The following SLC25A21 variants were observed in gnomAD, a reference collection of about 807,000 sequenced individuals.
SLC25A21 encodes solute carrier family 25 member 21, also known as mitochondrial 2-oxodicarboxylate carrier.
In SLC25A21, 47 loss-of-function variants were observed where a neutral mutation model predicts 43.8. The observed-to-expected ratio is 1.07, with a 90% CI of 0.85 to 1.37. SLC25A21 has a LOEUF of 1.37. Among genes scored for constraint, SLC25A21 ranks in the 40% most tolerant of loss-of-function variants. The pLI is 0.00. For synonymous variants in SLC25A21, 131 were observed against 121.3 expected (o/e 1.08, Z -0.52); for missense variants, 352 against 350.2 (o/e 1.00, Z -0.04).
At chr14:37,109,754 A>C (rs191412848) in intron 1 of SLC25A21, among the ~76,000 whole-genome samples, 1 of 152,284 alleles carries the variant, frequency 6.6e-6, no homozygotes, top group African/African-American at 2.4e-5. Context: ...AGAAATAATG[A>C]GAAGATTATA....
chr14:36,720,951 T>C (rs1203008183), intron 6 of SLC25A21, among the ~76,000 whole-genome samples: 1 of 152,222 alleles, frequency 6.6e-6, no homozygotes, highest in Non-Finnish European at 1.5e-5. Context: ...GATAATGACC[T>C]AAGGCACACT....
chr14:36,895,751 A>ATTGGT (rs1366474986), intron 1 of SLC25A21, among the ~76,000 whole-genome samples: 1 of 152,042 alleles, frequency 6.6e-6, no homozygotes, highest in Admixed American at 6.6e-5. Context: ...CTTTGTTCTC[A>ATTGGT]TTGGTTTCAA....
At chr14:37,082,435 A>G (rs1359933559) in intron 1 of SLC25A21, among the ~76,000 whole-genome samples, 3 of 152,208 alleles carry the variant, frequency 2.0e-5, no homozygotes, top group Non-Finnish European at 4.4e-5. Context: ...AACATTAAGC[A>G]TTAGGCACTA....
intron 1 of SLC25A21, among the ~76,000 whole-genome samples, chr14:36,986,180 A>T (rs1001909194): frequency 6.6e-6 from 1 of 152,118 alleles, no homozygotes; most frequent in East Asian, 1.9e-4. Context: ...ATATATACAC[A>T]CATATCTATA....
At chr14:36,839,247 C>A (rs1171219100) in intron 2 of SLC25A21, among the ~76,000 whole-genome samples, 3 of 152,174 alleles carry the variant, frequency 2.0e-5, no homozygotes, top group Non-Finnish European at 4.4e-5. Flanking sequence ...CTTAACTCAT[C>A]TCTGAAACCA....
chr14:36,813,965 A>C lies in SLC25A21; in HGVS notation c.156T>G (p.Ser52Arg), dbSNP rs756470492. 3.1e-6 allele frequency: 5 copies of C among 1,610,592 alleles called. No homozygotes were observed. Among genetic ancestry groups the C allele is most frequent in the Middle Eastern group, 1.6e-4 (1 of 6,066 alleles). The change falls in exon 3 of 10, where the codon AGT (serine) becomes AGG (arginine). Residue 52 changes from serine to arginine, a missense_variant. Transcript: ENST00000331299. ...GAAAGCTGTCTACCAAGCTTTTATA[A>C]CTGTTTGGATCGGTTGCACATCTCT... is the stretch of plus-strand genomic sequence containing the variant. ...QIQRCATDPN[S>R]YKSLVDSFRM...
intron 1 of SLC25A21, among the ~76,000 whole-genome samples, chr14:37,040,719 T>C (rs959178203): frequency 2.0e-5 from 3 of 152,020 alleles, no homozygotes; most frequent in Non-Finnish European, 4.4e-5. Context: ...GATAGAGCCT[T>C]AGACTCAGAT....
intron 2 of SLC25A21, among the ~76,000 whole-genome samples, chr14:36,823,145 A>G (rs183019036): frequency 6.4e-4 from 97 of 152,296 alleles, no homozygotes; most frequent in African/African-American, 2.3e-3. Context: ...TACACTGACA[A>G]TATAATTCTA....
At chr14:37,101,707 A>C (rs183771980) in intron 1 of SLC25A21, among the ~76,000 whole-genome samples, 1 of 152,346 alleles carries the variant, frequency 6.6e-6, no homozygotes, top group East Asian at 1.9e-4. Flanking sequence ...ATAAAGCAGA[A>C]TATAGAACCA....
chr14:36,936,303 A>G (rs1383825718), intron 1 of SLC25A21, among the ~76,000 whole-genome samples: 2 of 152,138 alleles, frequency 1.3e-5, no homozygotes, highest in African/African-American at 2.4e-5. Context: ...TTTGTGAAGG[A>G]ACCAAACAGA....
rs1467018322 is a variant in SLC25A21 at position 37,022,669 on chromosome 14, C to G, written c.71-147665G>C. 2.0e-5 allele frequency among the ~76,000 whole-genome samples: 3 copies of G among 151,884 alleles called. No individual in the cohort carries two copies. In the East Asian group the frequency reaches 5.8e-4, roughly 29 times the overall value. ...CTCTTCGGCCTATGTGCAGATTAAT[C>G]CTCCTAAAATATTACCCTAACCATT... On this transcript the variant is annotated intron_variant, in intron 1 of 9. Coordinates refer to ENST00000331299, the MANE Select transcript of SLC25A21 (RefSeq NM_030631.4).
chr14:37,167,888 C>G, intron 1 of SLC25A21, among the ~76,000 whole-genome samples: 1 of 151,920 alleles, frequency 6.6e-6, no homozygotes, highest in South Asian at 2.1e-4. Context: ...GACTCTCTAG[C>G]TGCACCGCTC....
intron 1 of SLC25A21, among the ~76,000 whole-genome samples, chr14:37,083,258 A>C (rs1234383547): frequency 6.6e-6 from 1 of 152,224 alleles, no homozygotes; most frequent in African/African-American, 2.4e-5. Flanking sequence ...TCAGTCAACA[A>C]GCATTAAGAG....
At position 37,156,382 on chromosome 14, in the gene SLC25A21, A is replaced by C. The variant is rs76974849; in HGVS notation, c.70+15899T>G. 0.016 allele frequency among the ~76,000 whole-genome samples: 2,469 copies of C among 152,176 alleles called. 183 individuals are homozygous for C. In the East Asian group the frequency reaches 0.26, roughly 16 times the overall value. The stretch of plus-strand genomic sequence containing the variant: ...ACAAAGAGTATACAAAGCAAACAGA[A>C]AACAATTAATATGACAGGAACAAAG... On this transcript the variant is annotated intron_variant, in intron 1 of 9. Transcript: ENST00000331299.
chr14:36,932,841 G>T (rs1246661216), intron 1 of SLC25A21, among the ~76,000 whole-genome samples: 1 of 151,482 alleles, frequency 6.6e-6, no homozygotes, highest in African/African-American at 2.4e-5. Flanking sequence ...CCATTGGCAA[G>T]CTCCTTGACT....
At chr14:37,000,390 C>A (rs1960461303) in intron 1 of SLC25A21, among the ~76,000 whole-genome samples, 1 of 152,142 alleles carries the variant, frequency 6.6e-6, no homozygotes, top group Non-Finnish European at 1.5e-5. Flanking sequence ...CAGGTACCAT[C>A]ACCCACCATG....
intron 1 of SLC25A21, among the ~76,000 whole-genome samples, chr14:37,105,406 A>G (rs1435973345): frequency 6.6e-6 from 1 of 152,144 alleles, no homozygotes; most frequent in Admixed American, 6.5e-5. Context: ...GGCTAAGAAA[A>G]TGTGGTGTCT....
intron 7 of SLC25A21, among the ~76,000 whole-genome samples, chr14:36,696,690 T>A (rs1408495881): frequency 6.6e-6 from 1 of 152,192 alleles, no homozygotes. Context: ...TCTAGTTTAT[T>A]TGCGTAGAGG....
At chr14:36,934,889 T>TC (rs1438956780) in intron 1 of SLC25A21, among the ~76,000 whole-genome samples, 1 of 152,130 alleles carries the variant, frequency 6.6e-6, no homozygotes, top group Non-Finnish European at 1.5e-5. Flanking sequence ...TTTTTCATTT[T>TC]CATGAGTTTC....
Sources: gnomAD v4.1 joint callset for allele counts (sites outside exome capture counted in the v4.1 genomes callset) on GRCh38, gnomAD v4.1.1 for gene constraint, MANE v1.5 for transcripts, NCBI Gene and HGNC (gene_info 2026-07-23, HGNC 2026-07-21) for gene names.